Variants in CTNNA3 observed in about 807,000 individuals in gnomAD.
The protein encoded by CTNNA3 is catenin alpha-3.
In CTNNA3, 76 loss-of-function variants were observed where a neutral mutation model predicts 95.7. That is an observed-to-expected ratio of 0.79 (90% CI 0.66 to 0.96). CTNNA3 has a LOEUF of 0.96. Ranked by LOEUF, CTNNA3 falls within the 40% of genes least tolerant of loss-of-function variation. The pLI is 0.00. For missense variants in CTNNA3, 1,191 were observed against 1,089.8 expected, an observed-to-expected ratio of 1.09 and a Z score of -1.31; for synonymous variants, 431 against 374.4, an observed-to-expected ratio of 1.15 and a Z score of -1.74.
intron 10 of CTNNA3, among the ~76,000 whole-genome samples, chr10:66,573,693 A>C (rs1263812211): frequency 6.6e-6 from 1 of 152,184 alleles, no homozygotes; most frequent in Non-Finnish European, 1.5e-5. Context: ...CCTGCTTTCA[A>C]TTAAAAGAAA....
At chr10:66,889,028 T>TA (rs1273881773) in intron 7 of CTNNA3, among the ~76,000 whole-genome samples, 3 of 152,290 alleles carry the variant, frequency 2.0e-5, no homozygotes, top group African/African-American at 7.2e-5. Context: ...AATGGAATAT[T>TA]ATTCAGTGCT....
At chr10:67,271,516 T>G (rs1838974634) in intron 5 of CTNNA3, among the ~76,000 whole-genome samples, 2 of 152,072 alleles carry the variant, frequency 1.3e-5, no homozygotes, top group South Asian at 4.1e-4. Flanking sequence ...CTTTACAAAT[T>G]ACCCAGTCCC....
intron 10 of CTNNA3, among the ~76,000 whole-genome samples, chr10:66,530,386 T>TA (rs1841425617): frequency 6.6e-6 from 1 of 152,202 alleles, no homozygotes; most frequent in African/African-American, 2.4e-5. Context: ...TTCAATGCTC[T>TA]AACTCTGTTC....
In CTNNA3 at chr10:66,233,463, T is replaced by A. The variant is rs138979358; in HGVS notation, c.1884+47007A>T. 1.1e-3 allele frequency among the ~76,000 whole-genome samples: 163 copies of A among 152,228 alleles called. 1 individual carries two copies. Among genetic ancestry groups the A allele is most frequent in the African/African-American group, 3.8e-3 (157 of 41,530 alleles). On this transcript the variant is annotated intron_variant, in intron 13 of 17. Coordinates refer to ENST00000433211, the MANE Select transcript of CTNNA3 (RefSeq NM_013266.4). The stretch of plus-strand genomic sequence containing the variant: ...GAATAACATTTAGAATATGTAAAAG[T>A]CTTATAAATCAATTTTAAAAATCAG...
At chr10:66,328,933 TAC>T (rs767852399) in intron 12 of CTNNA3, among the ~76,000 whole-genome samples, 12 of 115,368 alleles carry the variant, frequency 1.0e-4, no homozygotes, top group South Asian at 3.0e-4. Flanking sequence ...TATATATATA[TAC>T]ACACACACAT....
At chr10:67,536,415 T>C (rs1003169365) in intron 4 of CTNNA3, among the ~76,000 whole-genome samples, 3 of 152,148 alleles carry the variant, frequency 2.0e-5, no homozygotes, top group African/African-American at 7.2e-5. Context: ...AAATTGAGAT[T>C]GTTATCATTG....
rs369633187 is a variant in CTNNA3 at position 66,288,860 on chromosome 10, CCTGGG to C, written c.1733-8244_1733-8240del. Among the ~76,000 whole-genome samples, 527 of 152,064 alleles carry C rather than the reference CCTGGG, an allele frequency of 3.5e-3. 5 individuals are homozygous for C. The highest frequency in any genetic ancestry group is 0.012 in the African/African-American group (485 of 41,520). ...AACCCTCTCTGGCACCTCAAAATGCCCTGGGCTATTGCAAAATTGTATTTTAGCTC... is the reference window on the plus strand; with the variant it reads ...AACCCTCTCTGGCACCTCAAAATGCCCTATTGCAAAATTGTATTTTAGCTC... On this transcript the variant is annotated intron_variant, in intron 12 of 17. Coordinates refer to ENST00000433211, the MANE Select transcript of CTNNA3 (RefSeq NM_013266.4).
chr10:66,159,185 C>A (rs2084706902), intron 13 of CTNNA3, among the ~76,000 whole-genome samples: 1 of 151,994 alleles, frequency 6.6e-6, no homozygotes, highest in Non-Finnish European at 1.5e-5. Flanking sequence ...CTAGGACTTC[C>A]AGTACTATGT....
chr10:66,921,150 C>T (rs925630124), intron 7 of CTNNA3, among the ~76,000 whole-genome samples: 1 of 152,186 alleles, frequency 6.6e-6, no homozygotes, highest in African/African-American at 2.4e-5. Flanking sequence ...TTTCTGGCTT[C>T]TTAATAGCTG....
chr10:67,295,053 TA>T (rs974537706), intron 5 of CTNNA3, among the ~76,000 whole-genome samples: 17 of 152,192 alleles, frequency 1.1e-4, no homozygotes, highest in Non-Finnish European at 1.8e-4. Context: ...ATGCTAATAC[TA>T]AAAACACATC....
At chr10:66,688,914 C>A (rs1171301909) in intron 9 of CTNNA3, among the ~76,000 whole-genome samples, 1 of 148,082 alleles carries the variant, frequency 6.8e-6, no homozygotes, top group East Asian at 2.0e-4. Context: ...GTGGAGCTTG[C>A]AGTGAGCCAA....
intron 13 of CTNNA3, among the ~76,000 whole-genome samples, chr10:66,246,739 A>G (rs1038964966): frequency 4.0e-5 from 6 of 151,832 alleles, no homozygotes; most frequent in Admixed American, 3.3e-4. Context: ...CTAATAGCAG[A>G]ATTGATCAAG....
At chr10:67,559,176 G>T (rs1841380418) in intron 3 of CTNNA3, among the ~76,000 whole-genome samples, 2 of 152,224 alleles carry the variant, frequency 1.3e-5, no homozygotes, top group Admixed American at 1.3e-4. Context: ...AGAACAGGCA[G>T]ACTGCCTCCT....
At chr10:67,176,498 T>C (rs891726709) in intron 7 of CTNNA3, among the ~76,000 whole-genome samples, 5 of 152,170 alleles carry the variant, frequency 3.3e-5, no homozygotes, top group Non-Finnish European at 7.4e-5. Flanking sequence ...CTGTCTATAA[T>C]GGATTCGAAA....
At chr10:67,721,972 T>A (rs1841181905) in intron 1 of CTNNA3, among the ~76,000 whole-genome samples, 1 of 152,176 alleles carries the variant, frequency 6.6e-6, no homozygotes, top group African/African-American at 2.4e-5. Flanking sequence ...TCTGCTTGCC[T>A]GGGTATCACC....
chr10:66,778,712 C>T, intron 7 of CTNNA3, among the ~76,000 whole-genome samples: 1 of 152,034 alleles, frequency 6.6e-6, no homozygotes, highest in Non-Finnish European at 1.5e-5. Context: ...TGCGGTGGCT[C>T]AGCCTGTAAT....
At chr10:67,268,362 T>TTAAATTAAATTAAA (rs1482558413) in intron 5 of CTNNA3, among the ~76,000 whole-genome samples, 2 of 138,370 alleles carry the variant, frequency 1.4e-5, no homozygotes, top group African/African-American at 5.7e-5. Context: ...ATTAAATAAA[T>TTAAATTAAATTAAA]AAATAAAAAA....
intron 5 of CTNNA3, among the ~76,000 whole-genome samples, chr10:67,248,615 C>G (rs868150713): frequency 2.8e-4 from 43 of 152,008 alleles, no homozygotes; most frequent in Middle Eastern, 3.4e-3. Flanking sequence ...GGTAGAGAGA[C>G]GGGGTTTCAC....
chr10:67,413,918 G>A (rs1352438895), intron 5 of CTNNA3, among the ~76,000 whole-genome samples: 2 of 152,058 alleles, frequency 1.3e-5, no homozygotes, highest in African/African-American at 4.8e-5. Context: ...CAAAATCTCT[G>A]AGATATAGCC....
Sources: allele counts gnomAD v4.1 joint callset (sites outside exome capture counted in the v4.1 genomes callset), GRCh38; gene constraint gnomAD v4.1.1; transcripts MANE v1.5; gene names NCBI Gene and HGNC (gene_info 2026-07-23, HGNC 2026-07-21).